IRAK3: variants seen among roughly 807,000 people sequenced by gnomAD.
IRAK3 encodes the protein interleukin-1 receptor-associated kinase 3.
Under a neutral mutation model 56.6 loss-of-function variants are expected in IRAK3, and 57 were observed. That is an observed-to-expected ratio of 1.01 (90% CI 0.81 to 1.26). The LOEUF is 1.26. IRAK3 is among the 50% of genes most tolerant of loss of function. The probability of loss-of-function intolerance (pLI) is 0.00; values close to 1 mark genes in which losing one functional copy is unlikely to be tolerated. For synonymous variants in IRAK3, 258 were observed against 255.7 expected (o/e 1.01, Z -0.09); for missense variants, 703 against 719.0 (o/e 0.98, Z 0.25).
chr12:66,240,537 T>G (rs1257949032), intron 8 of IRAK3, among the ~76,000 whole-genome samples: 1 of 152,110 alleles, frequency 6.6e-6, no homozygotes, highest in Non-Finnish European at 1.5e-5. Flanking sequence ...AGCCTGCAGG[T>G]TCTAGGAGAA....
At chr12:66,191,474 C>A (rs187138323) in intron 1 of IRAK3, among the ~76,000 whole-genome samples, 77 of 152,244 alleles carry the variant, frequency 5.1e-4, no homozygotes, top group Non-Finnish European at 7.5e-4. Flanking sequence ...TATAAGCTGG[C>A]CATTGTCCCT....
intron 5 of IRAK3, among the ~76,000 whole-genome samples, chr12:66,214,147 G>A (rs1325151237): frequency 6.6e-6 from 1 of 152,152 alleles, no homozygotes; most frequent in East Asian, 1.9e-4. Flanking sequence ...TGAAAGATTT[G>A]TGTTGTTAAA....
rs754265260 is a variant in IRAK3, at chr12:66,244,556, C to T, written c.958C>T (p.His320Tyr). 6.2e-7 allele frequency: 1 copy of T among 1,614,020 alleles called. No homozygotes were observed. The highest frequency in any genetic ancestry group is 8.5e-7 in the Non-Finnish European group (1 of 1,179,922). ...TTTTGCCATGGCACACTTCCGGTCC[C>T]ACCTAGAACATCAGAGTTGTACCAT... ...TDFAMAHFRS[H>Y]LEHQSCTINM... Residue 320 changes from histidine to tyrosine, a missense_variant, in exon 9 of 12, where the codon CAC becomes TAC. Transcript: ENST00000261233.
At chr12:66,241,324 G>T (rs975907362) in intron 8 of IRAK3, among the ~76,000 whole-genome samples, 12 of 152,146 alleles carry the variant, frequency 7.9e-5, no homozygotes, top group African/African-American at 2.4e-4. Flanking sequence ...CCATGGATAT[G>T]GGTCAAAGAT....
chr12:66,199,749 TTTAGA>T (rs2136916212), intron 1 of IRAK3, among the ~76,000 whole-genome samples: 1 of 151,294 alleles, frequency 6.6e-6, no homozygotes, highest in African/African-American at 2.4e-5. Flanking sequence ...CTTAAGAGTT[TTTAGA>T]AATAGCTAAA....
chr12:66,200,501 A>T (rs892725763), intron 1 of IRAK3, among the ~76,000 whole-genome samples: 10 of 152,148 alleles, frequency 6.6e-5, no homozygotes, highest in Non-Finnish European at 1.3e-4. Flanking sequence ...GATGGGATAG[A>T]GGGTTGGAAG....
chr12:66,197,090 A>G (rs1320803907), intron 1 of IRAK3: 4 of 1,331,914 alleles, frequency 3.0e-6, no homozygotes, highest in Non-Finnish European at 3.8e-6. Context: ...ACTTTTGAGC[A>G]TCTGATTTCT....
intron 8 of IRAK3, chr12:66,234,415 T>C: frequency 6.2e-7 from 1 of 1,611,134 alleles, no homozygotes; most frequent in Non-Finnish European, 8.5e-7. Flanking sequence ...ATACAGGAGA[T>C]ACAATATAGG....
At chr12:66,211,137 C>T (rs1419968155) in intron 4 of IRAK3, among the ~76,000 whole-genome samples, 2 of 152,204 alleles carry the variant, frequency 1.3e-5, no homozygotes, top group Admixed American at 1.3e-4. Flanking sequence ...AACAGCAACA[C>T]ATTGACCTAA....
rs2053064106 is a variant in IRAK3, at chr12:66,248,844, T to A, written c.*673T>A. 2 of 152,226 alleles carry A rather than the reference T, an allele frequency of 1.3e-5. No individual in the cohort carries two copies. Among genetic ancestry groups the A allele is most frequent in the South Asian group, 4.1e-4 (2 of 4,828 alleles). 9.4% of individuals were successfully genotyped at this position (152,226 alleles called of 1,614,324 possible). ...TACAGCTTTTTAAAAACAGACTTAG[T>A]GACCTATTATATCTTAAGGAGACTA... On this transcript the variant is annotated 3_prime_UTR_variant, in exon 12 of 12. Transcript: ENST00000261233.
intron 8 of IRAK3, among the ~76,000 whole-genome samples, chr12:66,233,334 C>T (rs1416125110): frequency 6.6e-6 from 1 of 152,076 alleles, no homozygotes; most frequent in Non-Finnish European, 1.5e-5. Flanking sequence ...CTGGCTAACA[C>T]GGTGAAACCC....
chr12:66,227,620 G>A lies in IRAK3; in HGVS notation c.769-632G>A, dbSNP rs1004312014. Among the ~76,000 whole-genome samples, 12 of 147,442 alleles carry A rather than the reference G, an allele frequency of 8.1e-5. 1 individual carries two copies. Among genetic ancestry groups the A allele is most frequent in the African/African-American group, 3.2e-4 (12 of 37,714 alleles). ...AAATAAATAAACAAACAAACTGCTGGTCATGATGGCACATGCCTGTCCCAG... is the reference window on the plus strand; with the variant it reads ...AAATAAATAAACAAACAAACTGCTGATCATGATGGCACATGCCTGTCCCAG... On this transcript the variant is annotated intron_variant, in intron 7 of 11. Transcript: ENST00000261233.
chr12:66,247,094 A>G (rs1262728761), intron 11 of IRAK3, among the ~76,000 whole-genome samples: 2 of 152,064 alleles, frequency 1.3e-5, no homozygotes, highest in South Asian at 4.1e-4. Context: ...ACATGGCGAA[A>G]CCCCATCTCT....
chr12:66,192,949 A>G (rs577083303), intron 1 of IRAK3, among the ~76,000 whole-genome samples: 4 of 152,098 alleles, frequency 2.6e-5, no homozygotes, highest in South Asian at 2.1e-4. Context: ...TGCATATTCT[A>G]TGTTCTTTTT....
Position 66,247,815 on chromosome 12 carries a change from G to C in IRAK3, c.1435G>C (p.Val479Leu). Residue 479 changes from valine to leucine, a missense_variant, in exon 12 of 12, where the codon GTG (valine) becomes CTG (leucine). By Grantham distance (32) the Val-to-Leu change is conservative (BLOSUM62 1). Coordinates refer to ENST00000261233, the MANE Select transcript of IRAK3 (RefSeq NM_007199.3). ...LFLENVPSIP[V>L]EDDESQNNNL... is the part of the protein sequence containing the mutation. Reference sequence around the variant, plus strand: ...CCTGGAGAATGTACCAAGTATTCCAGTGGAAGATGATGAAAGCCAGAATAA... The same window carrying C: ...CCTGGAGAATGTACCAAGTATTCCACTGGAAGATGATGAAAGCCAGAATAA... 4 of 1,614,124 alleles carry C rather than the reference G, an allele frequency of 2.5e-6. No individual in the cohort carries two copies. Among genetic ancestry groups the C allele is most frequent in the Non-Finnish European group, 3.4e-6 (4 of 1,179,944 alleles).
At chr12:66,202,580 C>A (rs1409717966) in intron 1 of IRAK3, among the ~76,000 whole-genome samples, 1 of 151,806 alleles carries the variant, frequency 6.6e-6, no homozygotes, top group African/African-American at 2.4e-5. Flanking sequence ...GAGTTTGAGA[C>A]CAGCTGGGGC....
At chr12:66,196,891 A>C (rs745536625) in intron 1 of IRAK3, 77 of 1,520,614 alleles carry the variant, frequency 5.1e-5, no homozygotes, top group Non-Finnish European at 6.5e-5. Flanking sequence ...GTCTAAAAAC[A>C]AGCTTTGTGA....
chr12:66,208,174 C>A (rs926738047), intron 2 of IRAK3, among the ~76,000 whole-genome samples: 2 of 152,082 alleles, frequency 1.3e-5, no homozygotes, highest in Non-Finnish European at 1.5e-5. Flanking sequence ...TGAAAGTTTT[C>A]TAGTCTGAGA....
intron 5 of IRAK3, among the ~76,000 whole-genome samples, chr12:66,216,221 T>A (rs1438518916): frequency 6.6e-6 from 1 of 152,202 alleles, no homozygotes; most frequent in Non-Finnish European, 1.5e-5. Flanking sequence ...TGACAAAGAA[T>A]CACAAATAGC....
Sources: gnomAD v4.1 joint callset for allele counts (sites outside exome capture counted in the v4.1 genomes callset) on GRCh38, gnomAD v4.1.1 for gene constraint, MANE v1.5 for transcripts, NCBI Gene and HGNC (gene_info 2026-07-23, HGNC 2026-07-21) for gene names.